Variants in SCLT1 observed in about 807,000 individuals in gnomAD.
The protein encoded by SCLT1 is sodium channel and clathrin linker 1.
A neutral mutation model predicts 112.8 loss-of-function variants in SCLT1; 78 were observed. The observed-to-expected ratio is 0.69, with a 90% CI of 0.58 to 0.83. The LOEUF (loss-of-function observed/expected upper bound fraction) is 0.83, where lower values mean the gene tolerates loss of function less well. Among genes scored for constraint, SCLT1 ranks in the 40% least tolerant of loss-of-function variants. The probability of loss-of-function intolerance (pLI) is 0.00; values close to 1 mark genes in which losing one functional copy is unlikely to be tolerated. For synonymous variants in SCLT1, 257 were observed against 254.7 expected (o/e 1.01, Z -0.09); for missense variants, 747 against 770.4 (o/e 0.97, Z 0.36).
intron 7 of SCLT1, among the ~76,000 whole-genome samples, chr4:128,999,330 A>ATTTTG (rs143707326): frequency 1.3e-5 from 2 of 151,948 alleles, no homozygotes; most frequent in Admixed American, 6.6e-5. Context: ...CTAATAAACA[A>ATTTTG]TTTTGTTTTG....
intron 6 of SCLT1, among the ~76,000 whole-genome samples, chr4:129,002,430 TATA>T (rs1409515183): frequency 3.3e-5 from 5 of 151,970 alleles, no homozygotes; most frequent in East Asian, 1.9e-4. Flanking sequence ...CTAGAAGAAA[TATA>T]ATGTTAGAAA....
intron 18 of SCLT1, among the ~76,000 whole-genome samples, chr4:128,904,440 T>C (rs1734543458): frequency 6.6e-6 from 1 of 152,212 alleles, no homozygotes. Flanking sequence ...ATTTATGTTG[T>C]ATGTATTAAA....
At chr4:128,991,126 T>A (rs1742531073) in intron 9 of SCLT1, among the ~76,000 whole-genome samples, 1 of 151,750 alleles carries the variant, frequency 6.6e-6, no homozygotes, top group South Asian at 2.1e-4. Flanking sequence ...GCCAAAGCAA[T>A]CCTGAGCAAA....
chr4:128,985,176 A>G (rs1158277919), intron 9 of SCLT1, among the ~76,000 whole-genome samples: 2 of 152,150 alleles, frequency 1.3e-5, no homozygotes, highest in Non-Finnish European at 2.9e-5. Flanking sequence ...CATTCCACAG[A>G]GACAATCATT....
downstream of SCLT1, among the ~76,000 whole-genome samples, chr4:128,880,537 T>C (rs1302380110): frequency 6.6e-6 from 1 of 152,174 alleles, no homozygotes; most frequent in Non-Finnish European, 1.5e-5. Context: ...TTAATAGGGA[T>C]AAATAACTAG....
chr4:129,012,318 T>C (rs1744604138), intron 5 of SCLT1, among the ~76,000 whole-genome samples: 1 of 152,230 alleles, frequency 6.6e-6, no homozygotes. Context: ...GTTATTCAAC[T>C]TCCATGTAAT....
intron 15 of SCLT1, among the ~76,000 whole-genome samples, chr4:128,948,167 C>G (rs1738347521): frequency 6.6e-6 from 1 of 151,478 alleles, no homozygotes. Context: ...AACCCCATCT[C>G]TACTAAAAAT....
chr4:128,911,920 C>G (rs1735127591), intron 18 of SCLT1, among the ~76,000 whole-genome samples: 1 of 152,308 alleles, frequency 6.6e-6, no homozygotes, highest in South Asian at 2.1e-4. Flanking sequence ...ATGCATACAA[C>G]TAATTTAGAG....
chr4:128,891,478 T>C (rs1733316099), intron 18 of SCLT1, among the ~76,000 whole-genome samples: 1 of 151,856 alleles, frequency 6.6e-6, no homozygotes, highest in Non-Finnish European at 1.5e-5. Context: ...TTTGCCAAAC[T>C]AAAAAAAGCA....
rs996105631 is a variant in SCLT1, at chr4:128,957,390, C to G, written c.1048-266G>C. Among the ~76,000 whole-genome samples, 4 of 152,134 alleles carry G rather than the reference C, an allele frequency of 2.6e-5. No homozygotes were observed. The East Asian group carries it at 5.8e-4, about 22-fold the overall frequency. ...TCTCTACAGCCAGAAATCTTAAAAC[C>G]ATTGTTGAATTTTCCATTTTTTCAA... On this transcript the variant is annotated intron_variant, in intron 12 of 20. Transcript: ENST00000281142.
chr4:128,885,060 T>TTGTA (rs2125918626), intron 20 of SCLT1, among the ~76,000 whole-genome samples: 1 of 152,336 alleles, frequency 6.6e-6, no homozygotes, highest in South Asian at 2.1e-4. Flanking sequence ...ACGCTTAGAA[T>TTGTA]TGTAAAACAT....
At chr4:129,070,379 C>CTGGTCCTGGACTTTTT (rs1480596933) in intron 2 of SCLT1, among the ~76,000 whole-genome samples, 5 of 151,888 alleles carry the variant, frequency 3.3e-5, no homozygotes, top group Non-Finnish European at 5.9e-5. Context: ...GTGAATCCAT[C>CTGGTCCTGGACTTTTT]TGGTCCTGGA....
chr4:129,077,507 G>T (rs1018016488), intron 2 of SCLT1, among the ~76,000 whole-genome samples: 1 of 152,162 alleles, frequency 6.6e-6, no homozygotes, highest in African/African-American at 2.4e-5. Flanking sequence ...TTGAAATCAT[G>T]TTGGAAGATA....
chr4:128,928,600 G>C (rs1463541572), intron 18 of SCLT1, among the ~76,000 whole-genome samples: 1 of 152,162 alleles, frequency 6.6e-6, no homozygotes, highest in South Asian at 2.1e-4. Context: ...GGGAGGCCGA[G>C]GCAGGTGGAT....
chr4:128,972,843 T>C (rs887717691), intron 9 of SCLT1, among the ~76,000 whole-genome samples: 1 of 152,140 alleles, frequency 6.6e-6, no homozygotes, highest in Admixed American at 6.5e-5. Context: ...TATCTAGTAA[T>C]AAAAACTCCT....
chr4:128,890,100 G>GA (rs1469671582), intron 19 of SCLT1, among the ~76,000 whole-genome samples: 1 of 152,102 alleles, frequency 6.6e-6, no homozygotes, highest in Non-Finnish European at 1.5e-5. Context: ...ATATGCTAGA[G>GA]AAAACGGGGG....
At chr4:128,920,579 C>T (rs1488396002) in intron 18 of SCLT1, among the ~76,000 whole-genome samples, 2 of 152,192 alleles carry the variant, frequency 1.3e-5, no homozygotes, top group African/African-American at 4.8e-5. Flanking sequence ...CCACTGTGCC[C>T]AGCCTAGAAA....
exon 4 of SCLT1, chr4:128,876,540 C>CAAT (rs2125914018): frequency 6.6e-6 from 1 of 152,318 alleles, no homozygotes; most frequent in African/African-American, 2.4e-5. Flanking sequence ...ACAAACTTCA[C>CAAT]AATTAACTTC....
Position 128,890,802 on chromosome 4 carries a change from G to A in SCLT1, c.1908+257C>T, listed in dbSNP as rs113890598. Among the ~76,000 whole-genome samples, 666 of 152,180 alleles carry A rather than the reference G, an allele frequency of 4.4e-3. 7 individuals are homozygous for A. The highest frequency in any genetic ancestry group is 0.015 in the African/African-American group (604 of 41,518). ...ATAAGAATAAAGGGGATCCTAATAC[G>A]TTCTCTGAAATACTACACAAGTTCT... On this transcript the variant is annotated intron_variant, in intron 19 of 20. Coordinates refer to ENST00000281142, the MANE Select transcript of SCLT1 (RefSeq NM_144643.4).
Sources: gnomAD v4.1 joint callset for allele counts (sites outside exome capture counted in the v4.1 genomes callset) on GRCh38, gnomAD v4.1.1 for gene constraint, MANE v1.5 for transcripts, NCBI Gene and HGNC (gene_info 2026-07-23, HGNC 2026-07-21) for gene names.